LRIG1: variants seen among roughly 807,000 people sequenced by gnomAD.
The protein encoded by LRIG1 is leucine-rich repeats and immunoglobulin-like domains protein 1.
LRIG1 carries 48 observed loss-of-function variants against 99.2 expected under a neutral mutation model. The observed-to-expected ratio is 0.48, with a 90% CI of 0.38 to 0.62. LRIG1 has a LOEUF of 0.62. Among genes scored for constraint, LRIG1 ranks in the 20% least tolerant of loss-of-function variants. The pLI is 0.00. For missense variants in LRIG1, 1,646 were observed against 1,434.4 expected (o/e 1.15, Z -2.38); for synonymous variants, 772 against 596.1 (o/e 1.29, Z -4.30).
At chr3:66,456,555 A>T (rs1700225538) in intron 2 of LRIG1, among the ~76,000 whole-genome samples, 1 of 148,958 alleles carries the variant, frequency 6.7e-6, no homozygotes, top group South Asian at 2.2e-4. Context: ...CCTGGGCAAC[A>T]GAGTGAGATC....
Position 66,394,833 on chromosome 3 carries a change from C to T in LRIG1, c.1305-630G>A, listed in dbSNP as rs991644294. The stretch of plus-strand genomic sequence containing the variant: ...GCCACCCTCTTGTTTGTGCCTTGAT[C>T]TTTGCACCAGTATTCTTCAGGGGGC... On this transcript the variant is annotated intron_variant, in intron 11 of 18. Coordinates refer to ENST00000273261, the MANE Select transcript of LRIG1 (RefSeq NM_015541.3). Among the ~76,000 whole-genome samples, 6 of 152,304 alleles carry T rather than the reference C, an allele frequency of 3.9e-5. No individual in the cohort carries two copies. The East Asian group carries it at 1.2e-3, about 29-fold the overall frequency.
chr3:66,469,732 G>A (rs1700554134), intron 1 of LRIG1, among the ~76,000 whole-genome samples: 1 of 152,098 alleles, frequency 6.6e-6, no homozygotes, highest in South Asian at 2.1e-4. Context: ...ATTAGGATAA[G>A]ATCTAGTCTG....
In LRIG1 at chr3:66,379,826, CCGCACCAA is replaced by C. The variant is rs998861234; in HGVS notation, c.*429_*436del. 1 of 165,470 alleles carries C rather than the reference CCGCACCAA, an allele frequency of 6.0e-6. No homozygotes were observed. The highest frequency in any genetic ancestry group is 2.4e-5 in the African/African-American group (1 of 41,512). The allele number at this position is 165,470 out of a possible 1,614,324, so 10.3% of individuals were successfully genotyped here. On this transcript the variant is annotated 3_prime_UTR_variant, in exon 19 of 19. Coordinates refer to ENST00000273261, the MANE Select transcript of LRIG1 (RefSeq NM_015541.3). Reference sequence around the variant, plus strand: ...TCCAAGGCCTTCCATCCTTCCCACCCCGCACCAAAAACTCCTGTGAACAAATGTGGTTG... The same window carrying C: ...TCCAAGGCCTTCCATCCTTCCCACCCAAACTCCTGTGAACAAATGTGGTTG...
chr3:66,483,334 A>C (rs1026409719), intron 1 of LRIG1, among the ~76,000 whole-genome samples: 2 of 152,204 alleles, frequency 1.3e-5, no homozygotes, highest in East Asian at 3.9e-4. Context: ...GGTGGGGGCC[A>C]ATGTCTCACA....
intron 3 of LRIG1, among the ~76,000 whole-genome samples, chr3:66,426,301 T>G (rs896017568): frequency 6.6e-6 from 1 of 152,210 alleles, no homozygotes; most frequent in East Asian, 1.9e-4. Context: ...AATGAATGAG[T>G]GTGGCTATGT....
At position 66,488,504 on chromosome 3, in the gene LRIG1, G is replaced by A. The variant is rs573290048; in HGVS notation, c.218+11686C>T. 1.7e-4 allele frequency among the ~76,000 whole-genome samples: 26 copies of A among 151,980 alleles called. No individual in the cohort carries two copies. In the East Asian group the frequency reaches 4.6e-3, roughly 27 times the overall value. The stretch of plus-strand genomic sequence containing the variant: ...AAAAAAAAATTAGCCTGGCTTGGTG[G>A]CAGGCGCCTGTAATCCCAGCTCTTT... On this transcript the variant is annotated intron_variant, in intron 1 of 18. Coordinates refer to ENST00000273261, the MANE Select transcript of LRIG1 (RefSeq NM_015541.3).
At chr3:66,426,806 A>G (rs1000659052) in intron 3 of LRIG1, among the ~76,000 whole-genome samples, 1 of 152,186 alleles carries the variant, frequency 6.6e-6, no homozygotes, top group African/African-American at 2.4e-5. Flanking sequence ...TCTGAAACAT[A>G]CTGAAGCTGG....
intron 8 of LRIG1, chr3:66,405,954 A>G (rs932007165): frequency 3.0e-6 from 3 of 997,502 alleles, no homozygotes; most frequent in Non-Finnish European, 3.6e-6. Flanking sequence ...AGCTTCCAGG[A>G]GCAGGTCACA....
chr3:66,462,616 C>A, intron 1 of LRIG1, 107 bp from the exon 2 acceptor site: 1 of 755,452 alleles, frequency 1.3e-6, no homozygotes, highest in East Asian at 2.7e-5. Context: ...ATCCAAGCCC[C>A]CATCCCATGA....
intron 7 of LRIG1, among the ~76,000 whole-genome samples, chr3:66,408,168 A>G (rs945927514): frequency 1.3e-5 from 2 of 152,198 alleles, no homozygotes; most frequent in Admixed American, 6.5e-5. Flanking sequence ...TACGTGACAT[A>G]TTGGTCATCT....
chr3:66,398,467 A>G (rs1233747783), intron 10 of LRIG1, among the ~76,000 whole-genome samples: 1 of 152,178 alleles, frequency 6.6e-6, no homozygotes, highest in Non-Finnish European at 1.5e-5. Flanking sequence ...GAAACAAACT[A>G]AGAATCACAT....
chr3:66,462,424 A>G lies in LRIG1; in HGVS notation c.290+14T>C. On this transcript the variant is annotated intron_variant, in intron 2 of 18. Transcript: ENST00000273261. ...CCATCCTTCCATCCACCAGAGGTTT[A>G]GGGGGAGACTCACACTTCCTGTAGG... 6.2e-7 allele frequency: 1 copy of G among 1,602,220 alleles called. No homozygotes were observed. Among genetic ancestry groups the G allele is most frequent in the Non-Finnish European group, 8.5e-7 (1 of 1,170,492 alleles).
At chr3:66,466,058 G>T (rs760696652) in intron 1 of LRIG1, among the ~76,000 whole-genome samples, 4 of 152,112 alleles carry the variant, frequency 2.6e-5, no homozygotes, top group Non-Finnish European at 5.9e-5. Flanking sequence ...TAGAGACAGG[G>T]TCTCACTCTG....
chr3:66,396,252 G>C (rs577443856), intron 11 of LRIG1, among the ~76,000 whole-genome samples: 1 of 152,254 alleles, frequency 6.6e-6, no homozygotes, highest in Admixed American at 6.5e-5. Flanking sequence ...AGGGCCTGGG[G>C]CCAGGCAGTA....
chr3:66,444,377 C>G (rs1703647962), intron 3 of LRIG1, among the ~76,000 whole-genome samples: 1 of 140,386 alleles, frequency 7.1e-6, no homozygotes, highest in Non-Finnish European at 1.6e-5. Flanking sequence ...CTGCCCACTG[C>G]CCCAGAGCCT....
chr3:66,408,973 G>A (rs951910600), intron 7 of LRIG1, among the ~76,000 whole-genome samples: 1 of 134,864 alleles, frequency 7.4e-6, no homozygotes, highest in Non-Finnish European at 1.6e-5. Flanking sequence ...GTGGGGGGAG[G>A]GGGGGAGGAG....
chr3:66,384,669 T>C (rs764197665), intron 13 of LRIG1, among the ~76,000 whole-genome samples: 4 of 151,966 alleles, frequency 2.6e-5, no homozygotes, highest in Admixed American at 1.3e-4. Flanking sequence ...TGCCTCCACC[T>C]TGGGAGAGCA....
intron 17 of LRIG1, 76 bp downstream of exon 17, chr3:66,381,403 C>A (rs944204241): frequency 4.2e-6 from 6 of 1,440,636 alleles, no homozygotes; most frequent in East Asian, 2.3e-5. Context: ...TGTGTCTCCC[C>A]CTTTGATGTA....
At chr3:66,448,115 A>G (rs1703786616) in intron 3 of LRIG1, among the ~76,000 whole-genome samples, 2 of 152,248 alleles carry the variant, frequency 1.3e-5, no homozygotes, top group Admixed American at 1.3e-4. Context: ...GTTCTTTGAC[A>G]AATATGTTAA....
Sources: gnomAD v4.1 joint callset for allele counts (sites outside exome capture counted in the v4.1 genomes callset) on GRCh38, gnomAD v4.1.1 for gene constraint, MANE v1.5 for transcripts, NCBI Gene and HGNC (gene_info 2026-07-23, HGNC 2026-07-21) for gene names.